The following NOTCH3 variants were observed in gnomAD, a reference collection of about 807,000 sequenced individuals.
The protein encoded by NOTCH3 is neurogenic locus notch homolog protein 3.
A neutral mutation model predicts 213.3 loss-of-function variants in NOTCH3; 86 were observed. The ratio of observed to expected loss-of-function variants is 0.40; its 90% confidence interval spans 0.34 to 0.48. The LOEUF is 0.48. Ranked by LOEUF, NOTCH3 falls within the 20% of genes least tolerant of loss-of-function variation. The probability of loss-of-function intolerance (pLI) is 0.57; values close to 1 mark genes in which losing one functional copy is unlikely to be tolerated. For missense variants in NOTCH3, 2,783 were observed against 3,272.6 expected (o/e 0.85, Z 3.65); for synonymous variants, 1,354 against 1,355.9 (o/e 1.00, Z 0.03).
Position 15,166,104 on chromosome 19 carries a change from G to T in NOTCH3, c.5363-13C>A. 6.2e-7 allele frequency: 1 copy of T among 1,612,568 alleles called. No individual in the cohort carries two copies. Among genetic ancestry groups the T allele is most frequent in the Non-Finnish European group, 8.5e-7 (1 of 1,178,610 alleles). On this transcript the variant is annotated splice_polypyrimidine_tract_variant and intron_variant, in intron 29 of 32. Transcript: ENST00000263388. The stretch of plus-strand genomic sequence containing the variant: ...GGGGTGAAGCCATCTGCAGGGACAG[G>T]AGTGTGTCAGCAGGAAGGTAAACAC...
intron 28 of NOTCH3, among the ~76,000 whole-genome samples, chr19:15,169,830 G>C (rs1041174973): frequency 1.3e-5 from 2 of 152,186 alleles, no homozygotes; most frequent in African/African-American, 4.8e-5. Flanking sequence ...TGGCTGGGGA[G>C]GGGCAGGATG....
At chr19:15,193,043 T>C (rs1279737576) in intron 2 of NOTCH3, among the ~76,000 whole-genome samples, 2 of 152,174 alleles carry the variant, frequency 1.3e-5, no homozygotes, top group African/African-American at 4.8e-5. Context: ...CTCTGGATCC[T>C]TGCAGCCAGG....
rs766705336 is a variant in NOTCH3, at chr19:15,184,899, G to A, written c.2410+7C>T. The A allele has an allele frequency of 5.4e-6, 8 of 1,478,936 alleles. No individual in the cohort carries two copies. Among genetic ancestry groups the A allele is most frequent in the Non-Finnish European group, 7.4e-6 (8 of 1,081,112 alleles). 91.6% of individuals were successfully genotyped at this position (1,478,936 alleles called of 1,614,324 possible). On this transcript the variant is annotated splice_region_variant and intron_variant, in intron 15 of 32. Transcript: ENST00000263388. ...AGAGGAGGAGGGAAGAGAAGCAGGT[G>A]GCATACCTTGCCAGCCCTGGGGGCA... is the stretch of plus-strand genomic sequence containing the variant.
rs2046803876 is a variant in NOTCH3, at chr19:15,177,741, C to A, written c.4187G>T (p.Arg1396Leu). 3 of 1,463,442 alleles carry A rather than the reference C, an allele frequency of 2.0e-6. No individual in the cohort carries two copies. The highest frequency in any genetic ancestry group is 2.7e-5 in the South Asian group (2 of 74,854). The allele number at this position is 1,463,442 out of a possible 1,614,324, so 90.7% of individuals were successfully genotyped here. A position where few individuals can be genotyped will look rare whatever the true frequency, so the allele number is the denominator to read the frequency against. ...CTCGCGGTCGCAGCGCTGGTCCCCG[C>A]GCTTGGCCTGGCAGGCGGCGCGCGG... ...RCPRAACQAK[R>L]GDQRCDRECN... The change falls in exon 24 of 33, where the codon CGC (arginine) becomes CTC (leucine). Residue 1396 changes from arginine to leucine, a missense_variant. By Grantham distance (102) the Arg-to-Leu change is moderately radical (BLOSUM62 -2). This residue lies in a region of NOTCH3 where 133 missense variants were observed against 201.9 expected (regional missense o/e 0.66). Coordinates refer to ENST00000263388, the MANE Select transcript of NOTCH3 (RefSeq NM_000435.3).
In NOTCH3 at chr19:15,179,039, T is replaced by C; in HGVS notation, c.3704A>G (p.His1235Arg). 2 of 1,614,210 alleles carry C rather than the reference T, an allele frequency of 1.2e-6. No homozygotes were observed. The highest frequency in any genetic ancestry group is 1.7e-4 in the Middle Eastern group (1 of 6,056). ...CCAACGCTTACCTGAGAAGCCAGCA[T>C]GACAAAGGCAACGGAAACCTCCGCC... ...DPGGGFRCLCHAGFSGPRCQT... is the reference protein window; with the variant it reads ...DPGGGFRCLCRAGFSGPRCQT... The change falls in exon 22 of 33, where the codon CAT becomes CGT. Residue 1235 changes from histidine to arginine, a missense_variant. This residue lies in a region of NOTCH3 where 861 missense variants were observed against 909.1 expected (regional missense o/e 0.95). Coordinates refer to ENST00000263388, the MANE Select transcript of NOTCH3 (RefSeq NM_000435.3).
chr19:15,194,603 G>A (rs562626018), intron 2 of NOTCH3, among the ~76,000 whole-genome samples: 112 of 152,250 alleles, frequency 7.4e-4, no homozygotes, highest in African/African-American at 2.6e-3. Context: ...AGGTAAGGAG[G>A]GGGCCATGGG....
chr19:15,191,431 G>C lies in NOTCH3; in HGVS notation c.1029C>G (p.Gly343=). 2.5e-6 allele frequency: 4 copies of C among 1,613,174 alleles called. No individual in the cohort carries two copies. Among genetic ancestry groups the C allele is most frequent in the Non-Finnish European group, 3.4e-6 (4 of 1,179,860 alleles). ...GAGAAAACGGCCACTCACCAGTCTT[G>C]CCCATGGGGCAGGCACAGTAGAAAG... is the stretch of plus-strand genomic sequence containing the variant. ...VASFYCACPM[G]KTGLLCHLDD... The change falls in exon 6 of 33, where the codon GGC becomes GGG. Residue 343 remains glycine, a synonymous_variant. Transcript: ENST00000263388.
Position 15,170,606 on chromosome 19 carries a change from T to C in NOTCH3, c.4892-53A>G, listed in dbSNP as rs866585447. 1.5e-5 allele frequency: 24 copies of C among 1,576,872 alleles called. No homozygotes were observed. In the Middle Eastern group the frequency reaches 9.2e-4, roughly 60 times the overall value. On this transcript the variant is annotated intron_variant, in intron 26 of 32. Coordinates refer to ENST00000263388, the MANE Select transcript of NOTCH3 (RefSeq NM_000435.3). ...TTCAGCCGAGGGCGGGGCTTTGGCC[T>C]CAGGCGGGGCTTCGGCCGCCCCCAG...
At chr19:15,171,524 G>C (rs1297554560) in intron 25 of NOTCH3, among the ~76,000 whole-genome samples, 4 of 152,002 alleles carry the variant, frequency 2.6e-5, no homozygotes, top group South Asian at 2.1e-4. Flanking sequence ...TAATTTTTGG[G>C]GGGGGTTGGG....
chr19:15,180,837 GA>G lies in NOTCH3; in HGVS notation c.2995-10del. 6.2e-7 allele frequency: 1 copy of G among 1,612,460 alleles called. No individual in the cohort carries two copies. Among genetic ancestry groups the G allele is most frequent in the Non-Finnish European group, 8.5e-7 (1 of 1,179,538 alleles). ...CACCAATCCACCAGCGTCTGGAGGG[GA>G]AGCACTCAGAGTCAGTACTGTGGGG... On this transcript the variant is annotated splice_polypyrimidine_tract_variant and intron_variant, in intron 18 of 32. Coordinates refer to ENST00000263388, the MANE Select transcript of NOTCH3 (RefSeq NM_000435.3).
rs892235664 is a variant in NOTCH3 at position 15,161,697 on chromosome 19, G to A, written c.5931C>T (p.Phe1977=). The A allele has an allele frequency of 1.2e-5, 20 of 1,613,640 alleles. No individual in the cohort carries two copies. The highest frequency in any genetic ancestry group is 1.6e-5 in the Non-Finnish European group (19 of 1,179,882). The part of the protein sequence containing the change: ...MQDSKEETPL[F]LAAREGSYEA... ...CATAGCTGCCCTCGCGGGCGGCCAG[G>A]AATAGGGGGGTCTCCTCCTGGGGGG... The change falls in exon 33 of 33, where the codon TTC becomes TTT. Residue 1977 remains phenylalanine (F), a synonymous_variant. Coordinates refer to ENST00000263388, the MANE Select transcript of NOTCH3 (RefSeq NM_000435.3).
At position 15,165,594 on chromosome 19, in the gene NOTCH3, T is replaced by TGC; in HGVS notation, c.5668-80_5668-79insGC. Reference sequence around the variant, plus strand: ...AGGAGCACCCCTAAGTCCCATGAAGTCCCCAACCCCCATACCCCAACCCCT... The same window carrying TGC: ...AGGAGCACCCCTAAGTCCCATGAAGTGCCCCCAACCCCCATACCCCAACCCCT... On this transcript the variant is annotated intron_variant, in intron 30 of 32. Transcript: ENST00000263388. This position sits in a 1 kb window ranked among gnomAD's most constrained non-coding sequence, Gnocchi z 4.7. The TGC allele has an allele frequency of 2.0e-6, 3 of 1,469,670 alleles. No individual in the cohort carries two copies. Among genetic ancestry groups the TGC allele is most frequent in the Non-Finnish European group, 2.8e-6 (3 of 1,085,200 alleles). The allele number at this position is 1,469,670 out of a possible 1,614,324, so 91.0% of individuals were successfully genotyped here. A position where few individuals can be genotyped will look rare whatever the true frequency, so the allele number is the denominator to read the frequency against.
chr19:15,180,657 G>T (rs1179804682), intron 19 of NOTCH3, 24 bp downstream of exon 19: 1 of 1,544,694 alleles, frequency 6.5e-7, no homozygotes. Context: ...GGCCCCACAC[G>T]CCCGCCCACA....
At chr19:15,187,475 C>T in intron 10 of NOTCH3, 137 bp from the exon 11 acceptor site, 2 of 600,916 alleles carry the variant, frequency 3.3e-6, no homozygotes, top group Non-Finnish European at 5.7e-6. Context: ...ATACAGGCCC[C>T]ACCCCCCACC....
intron 23 of NOTCH3, 30 bp downstream of exon 23, chr19:15,178,793 C>T (rs1208873755): frequency 2.0e-6 from 3 of 1,505,376 alleles, no homozygotes; most frequent in Admixed American, 1.9e-5. Flanking sequence ...CGCCCCTACT[C>T]CTCCTCCAAA....
Position 15,165,863 on chromosome 19 carries a change from T to A in NOTCH3, c.5591A>T (p.Asp1864Val). The A allele has an allele frequency of 6.2e-7, 1 of 1,614,072 alleles. No individual in the cohort carries two copies. The highest frequency in any genetic ancestry group is 8.5e-7 in the Non-Finnish European group (1 of 1,180,010). The stretch of plus-strand genomic sequence containing the variant: ...GCCTGAGTGGTCCTGGGCATTGGTG[T>A]CTGCCCCAGCATCCAGCAGCCGCTT... ...AAKRLLDAGA[D>V]TNAQDHSGRT... Residue 1864 changes from aspartate (D) to valine (V), a missense_variant, in exon 30 of 33, where the codon GAC (aspartate) becomes GTC (valine). Transcript: ENST00000263388. The surrounding 1 kb of genome is among the most constrained non-coding windows in gnomAD (Gnocchi z 4.7).
At chr19:15,162,370 T>C (rs1290565692) in intron 32 of NOTCH3, 95 bp downstream of exon 32, 3 of 902,268 alleles carry the variant, frequency 3.3e-6, no homozygotes, top group African/African-American at 1.6e-5. Context: ...TTATTTTGTT[T>C]TGTTTTTTGA....
rs761407832 is a variant in NOTCH3, at chr19:15,191,832, C to T, written c.715G>A (p.Asp239Asn). ...TTGAGACATCGGTGTCCTGGACAGT[C>T]GTCCACGTTCACTTCACAATTCTGA... Reference protein sequence around the residue: ...EGQNCEVNVDDCPGHRCLNGG... With the variant: ...EGQNCEVNVDNCPGHRCLNGG... The change falls in exon 5 of 33, where the codon GAC becomes AAC. Residue 239 changes from aspartate (D) to asparagine (N), a missense_variant. Physicochemically the swap from Asp to Asn is conservative, Grantham distance 23. Transcript: ENST00000263388. The T allele has an allele frequency of 4.6e-5, 74 of 1,613,968 alleles. No homozygotes were observed. Among genetic ancestry groups the T allele is most frequent in the Admixed American group, 2.5e-4 (15 of 60,024 alleles).
intron 2 of NOTCH3, among the ~76,000 whole-genome samples, chr19:15,196,789 A>G (rs552390681): frequency 6.6e-6 from 1 of 152,198 alleles, no homozygotes; most frequent in African/African-American, 2.4e-5. Context: ...AGATGCAAAA[A>G]CTGAGGCTCA....
Sources: gnomAD v4.1 joint callset for allele counts (sites outside exome capture counted in the v4.1 genomes callset) on GRCh38, gnomAD v4.1.1 for gene constraint, gnomAD v4.1.1 regional missense constraint, Gnocchi (gnomAD v3.1) non-coding constraint, MANE v1.5 for transcripts, NCBI Gene and HGNC (gene_info 2026-07-23, HGNC 2026-07-21) for gene names.